Variants in ZFHX3 observed in about 807,000 individuals in gnomAD.
ZFHX3 encodes the protein zinc finger homeobox 3.
Under a neutral mutation model 279.1 loss-of-function variants are expected in ZFHX3, and 42 were observed. The ratio of observed to expected loss-of-function variants is 0.15; its 90% CI spans 0.12 to 0.19. The LOEUF (loss-of-function observed/expected upper bound fraction) is 0.19. Ranked by LOEUF, ZFHX3 falls within the 10% of genes least tolerant of loss-of-function variation. ZFHX3 has a pLI of 1.00. For missense variants in ZFHX3, 4,981 were observed against 4,754.0 expected, an observed-to-expected ratio of 1.05 and a Z score of -1.40; for synonymous variants, 2,293 against 1,957.8, an observed-to-expected ratio of 1.17 and a Z score of -4.52.
chr16:73,448,684 ACGTGTGTGTGTGTGTG>A (rs1166035304), intron 3 of ZFHX3, among the ~76,000 whole-genome samples: 28 of 66,798 alleles, frequency 4.2e-4, no homozygotes, highest in African/African-American at 1.1e-3. Context: ...ATATTTATAT[ACGTGTGTGTGTGTGTG>A]TGTGTGTGTG....
intron 2 of ZFHX3, among the ~76,000 whole-genome samples, chr16:73,557,820 A>C (rs2020310118): frequency 6.6e-6 from 1 of 152,104 alleles, no homozygotes; most frequent in South Asian, 2.1e-4. Context: ...TCTCAGCCTC[A>C]TTTTATCCAG....
In ZFHX3 at chr16:73,832,012, T is replaced by G. The variant is rs1961009699; in HGVS notation, c.-1608+59639A>C. Among the ~76,000 whole-genome samples, 3 of 152,328 alleles carry G rather than the reference T, an allele frequency of 2.0e-5. No individual in the cohort carries two copies. In the South Asian group the frequency reaches 6.2e-4, roughly 32 times the overall value. On this transcript the variant is annotated intron_variant, in intron 1 of 17. Transcript: ENST00000641206. ...GCCGCCCGGGTTCCAGGGATTCTCT[T>G]GCCTCAGCCTCCCGAGTAGCTGGGA...
intron 8 of ZFHX3, among the ~76,000 whole-genome samples, chr16:73,090,023 A>G (rs1966053479): frequency 6.6e-6 from 1 of 152,222 alleles, no homozygotes; most frequent in African/African-American, 2.4e-5. Flanking sequence ...GCCTGCAACA[A>G]TATCAACCCC....
chr16:73,418,772 G>A (rs1420149577), intron 3 of ZFHX3, among the ~76,000 whole-genome samples: 2 of 152,186 alleles, frequency 1.3e-5, no homozygotes, highest in Admixed American at 1.3e-4. Flanking sequence ...GGCATTGGAG[G>A]CACTGTTGCC....
In ZFHX3 at chr16:72,788,229, C is replaced by T. The variant is rs748234314; in HGVS notation, c.10047G>A (p.Ser3349=). The change falls in exon 10 of 10, where the codon TCG becomes TCA. Residue 3349 remains serine (S), a synonymous_variant. Coordinates refer to ENST00000268489, the MANE Select transcript of ZFHX3 (RefSeq NM_006885.4). ...CTGGGGACAGCCCCATCAGGGCCTG[C>T]GACAGTGCAGGGCTGTAGGGGAACA... ...EGLFPYSPAL[S]QALMGLSPGS... is the part of the protein sequence containing the mutation. 13 of 1,613,628 alleles carry T rather than the reference C, an allele frequency of 8.1e-6. No homozygotes were observed. In the East Asian group the frequency reaches 1.6e-4, roughly 19 times the overall value.
At chr16:73,611,806 C>G (rs911624679) in intron 2 of ZFHX3, among the ~76,000 whole-genome samples, 1 of 152,168 alleles carries the variant, frequency 6.6e-6, no homozygotes, top group Non-Finnish European at 1.5e-5. Context: ...CCACCACCCA[C>G]TTTTATTAAT....
At chr16:73,251,610 A>C (rs2013489980) in intron 5 of ZFHX3, among the ~76,000 whole-genome samples, 1 of 152,160 alleles carries the variant, frequency 6.6e-6, no homozygotes, top group Non-Finnish European at 1.5e-5. Flanking sequence ...TCTTTCTGGA[A>C]GGCTGGATAT....
intron 1 of ZFHX3, among the ~76,000 whole-genome samples, chr16:73,040,263 CA>C (rs747529961): frequency 1.7e-4 from 26 of 151,942 alleles, no homozygotes; most frequent in Non-Finnish European, 2.9e-4. Flanking sequence ...AGGAAGGGGA[CA>C]GGGCAAGGGA....
chr16:73,783,921 A>G (rs28544244), intron 1 of ZFHX3, among the ~76,000 whole-genome samples: 2,481 of 152,248 alleles, frequency 0.016, 75 homozygotes, highest in African/African-American at 0.057. Context: ...GGTAGCATCC[A>G]TACCAGGTTG....
chr16:73,712,652 G>A (rs1020560324), intron 1 of ZFHX3, among the ~76,000 whole-genome samples: 2 of 152,180 alleles, frequency 1.3e-5, no homozygotes, highest in African/African-American at 4.8e-5. Context: ...TGAAGGACTT[G>A]CCCTCTTTTG....
intron 2 of ZFHX3, among the ~76,000 whole-genome samples, chr16:73,472,359 C>A (rs2018683598): frequency 6.6e-6 from 1 of 151,604 alleles, no homozygotes; most frequent in Non-Finnish European, 1.5e-5. Flanking sequence ...TGAAGTCACA[C>A]TTAGCTGGCT....
In ZFHX3 at chr16:73,652,115, A is replaced by G. The variant is rs562800334; in HGVS notation, c.-1547+28065T>C. Among the ~76,000 whole-genome samples, 50 of 152,164 alleles carry G rather than the reference A, an allele frequency of 3.3e-4. 1 individual carries two copies. In the South Asian group the frequency reaches 3.5e-3, roughly 11 times the overall value. On this transcript the variant is annotated intron_variant, in intron 2 of 17. Coordinates refer to the ZFHX3 transcript ENST00000641206. ...ACACCAAGAAGATGTGAAAAGATGT[A>G]TTACTTATGTAATTGAGTCTTTTCT...
intron 5 of ZFHX3, among the ~76,000 whole-genome samples, chr16:73,171,627 C>T (rs1025372812): frequency 3.3e-5 from 5 of 152,314 alleles, no homozygotes; most frequent in Non-Finnish European, 5.9e-5. Context: ...TCTGTGTTTA[C>T]TGATTCCTAA....
chr16:73,369,685 T>C (rs1015229791), intron 3 of ZFHX3, among the ~76,000 whole-genome samples: 4 of 152,198 alleles, frequency 2.6e-5, no homozygotes, highest in African/African-American at 4.8e-5. Flanking sequence ...ATGTAGATGC[T>C]GGTGGCTCTT....
chr16:73,110,009 G>A (rs1966352878), intron 7 of ZFHX3, among the ~76,000 whole-genome samples: 1 of 152,256 alleles, frequency 6.6e-6, no homozygotes, highest in East Asian at 1.9e-4. Flanking sequence ...GGGAGGCTGA[G>A]GCGGGCAGAT....
At chr16:73,714,933 A>G (rs971120637) in intron 1 of ZFHX3, among the ~76,000 whole-genome samples, 6 of 152,212 alleles carry the variant, frequency 3.9e-5, no homozygotes, top group African/African-American at 1.4e-4. Flanking sequence ...AAACTATGCT[A>G]GAGTCTCATC....
intron 3 of ZFHX3, among the ~76,000 whole-genome samples, chr16:73,378,390 T>C (rs1391020959): frequency 1.3e-5 from 2 of 152,236 alleles, no homozygotes; most frequent in African/African-American, 4.8e-5. Flanking sequence ...GTAAAATATT[T>C]GTTTTTGTTC....
intron 1 of ZFHX3, among the ~76,000 whole-genome samples, chr16:72,966,565 T>C (rs1290029861): frequency 1.3e-5 from 2 of 151,866 alleles, no homozygotes; most frequent in Non-Finnish European, 3.0e-5. Flanking sequence ...TCACTTTCTC[T>C]GTCTGCGTGA....
At chr16:73,039,863 A>C (rs1965047197) in intron 1 of ZFHX3, among the ~76,000 whole-genome samples, 1 of 152,140 alleles carries the variant, frequency 6.6e-6, no homozygotes, top group Admixed American at 6.6e-5. Flanking sequence ...GATATCCAGG[A>C]GCAGGAGGGG....
Sources: gnomAD v4.1 joint callset for allele counts (sites outside exome capture counted in the v4.1 genomes callset) on GRCh38, gnomAD v4.1.1 for gene constraint, MANE v1.5 for transcripts, NCBI Gene and HGNC (gene_info 2026-07-23, HGNC 2026-07-21) for gene names.